KCNB2: variants seen among roughly 807,000 people sequenced by gnomAD.
The protein encoded by KCNB2 is delayed rectifier potassium channel protein.
A neutral mutation model predicts 61.5 loss-of-function variants in KCNB2; 15 were observed. The ratio of observed to expected loss-of-function variants is 0.24; its 90% CI spans 0.16 to 0.38. KCNB2 has a LOEUF of 0.38. KCNB2 is among the 10% of genes least tolerant of loss of function. The probability of loss-of-function intolerance (pLI) is 1.00; values close to 1 mark genes in which losing one functional copy is unlikely to be tolerated. For missense variants in KCNB2, 828 were observed against 1,125.2 expected (o/e 0.74, Z 3.78); for synonymous variants, 457 against 446.0 (o/e 1.02, Z -0.31).
chr8:72,666,724 G>A (rs1585817046), intron 2 of KCNB2, among the ~76,000 whole-genome samples: 1 of 150,556 alleles, frequency 6.6e-6, no homozygotes, highest in African/African-American at 2.4e-5. Flanking sequence ...GCAATCTCGG[G>A]TCACTGCAAC....
At chr8:72,711,881 A>G (rs1313407555) in intron 2 of KCNB2, among the ~76,000 whole-genome samples, 1 of 152,148 alleles carries the variant, frequency 6.6e-6, no homozygotes, top group Non-Finnish European at 1.5e-5. Flanking sequence ...AATCCCAGCT[A>G]CTCAGGAGGA....
intron 2 of KCNB2, among the ~76,000 whole-genome samples, chr8:72,733,097 G>A (rs1446747340): frequency 6.6e-6 from 1 of 152,060 alleles, no homozygotes; most frequent in Non-Finnish European, 1.5e-5. Flanking sequence ...AAGTAGAACA[G>A]AAGGAGGGAA....
At chr8:72,684,318 C>T (rs1042577344) in intron 2 of KCNB2, among the ~76,000 whole-genome samples, 4 of 152,174 alleles carry the variant, frequency 2.6e-5, no homozygotes, top group African/African-American at 9.7e-5. Context: ...ATCTGGGTGG[C>T]ACTAGCCAAG....
intron 2 of KCNB2, among the ~76,000 whole-genome samples, chr8:72,917,504 C>A (rs535264809): frequency 1.3e-5 from 2 of 152,128 alleles, no homozygotes; most frequent in African/African-American, 4.8e-5. Context: ...AGCCTGAGAC[C>A]TAGTCAGTAA....
intron 2 of KCNB2, among the ~76,000 whole-genome samples, chr8:72,928,396 A>G (rs1006474832): frequency 7.9e-5 from 12 of 151,878 alleles, no homozygotes; most frequent in Non-Finnish European, 1.6e-4. Context: ...AGATTTCACC[A>G]TGTTGGCCAG....
rs61391139 is a variant in KCNB2 at position 72,855,301 on chromosome 8, T to A, written c.580-80634T>A. ...TAGAGAGATCTTCAAGACTGCACTC[T>A]CTTCACCCCCATCTCACATTTTTTC... On this transcript the variant is annotated intron_variant, in intron 2 of 2. Transcript: ENST00000523207. Among the ~76,000 whole-genome samples the A allele has an allele frequency of 3.6e-3, 555 of 152,316 alleles. 3 individuals carry two copies. The highest frequency in any genetic ancestry group is 0.012 in the African/African-American group (516 of 41,570).
intron 2 of KCNB2, chr8:72,619,024 G>C (rs1046593540): frequency 3.2e-6 from 1 of 314,460 alleles, no homozygotes; most frequent in Non-Finnish European, 6.2e-6. Flanking sequence ...CTGTTCTGAA[G>C]ATGACCGTCG....
chr8:72,653,071 C>G (rs922433068), intron 2 of KCNB2, among the ~76,000 whole-genome samples: 1 of 152,138 alleles, frequency 6.6e-6, no homozygotes, highest in African/African-American at 2.4e-5. Flanking sequence ...CCCCTCCTCT[C>G]TGTGTCTGTA....
intron 2 of KCNB2, among the ~76,000 whole-genome samples, chr8:72,772,461 AG>A (rs1808576473): frequency 6.6e-6 from 1 of 152,192 alleles, no homozygotes; most frequent in Admixed American, 6.5e-5. Flanking sequence ...CACTGGGTTA[AG>A]GGGGTAGCTC....
At chr8:72,777,381 C>T (rs1808673545) in intron 2 of KCNB2, among the ~76,000 whole-genome samples, 1 of 152,160 alleles carries the variant, frequency 6.6e-6, no homozygotes, top group Admixed American at 6.5e-5. Flanking sequence ...TCTTGAAGCT[C>T]TTCCAATTTA....
intron 1 of KCNB2, among the ~76,000 whole-genome samples, chr8:72,551,860 C>T (rs1384860047): frequency 6.6e-6 from 1 of 152,148 alleles, no homozygotes; most frequent in Non-Finnish European, 1.5e-5. Context: ...ACTCCATGCA[C>T]ATAGCAGATG....
chr8:72,908,269 C>A (rs1161055911), intron 2 of KCNB2, among the ~76,000 whole-genome samples: 1 of 152,134 alleles, frequency 6.6e-6, no homozygotes, highest in East Asian at 1.9e-4. Flanking sequence ...ACAGAAGCAT[C>A]CCTGACCTTC....
At chr8:72,640,476 T>A (rs1806037007) in intron 2 of KCNB2, among the ~76,000 whole-genome samples, 1 of 152,100 alleles carries the variant, frequency 6.6e-6, no homozygotes, top group African/African-American at 2.4e-5. Flanking sequence ...CAGACTGAAA[T>A]CCTCTAGAAA....
rs188751455 is a variant in KCNB2, at chr8:72,590,764, G to A, written c.579+22451G>A. Among the ~76,000 whole-genome samples, 228 of 152,258 alleles carry A rather than the reference G, an allele frequency of 1.5e-3. 1 individual carries two copies. Among genetic ancestry groups the A allele is most frequent in the African/African-American group, 5.3e-3 (221 of 41,570 alleles). The stretch of plus-strand genomic sequence containing the variant: ...TTCTATTGAGTCTTAGAAATGGCAC[G>A]TTCCCTTTTCCTGTGTCACAAACAA... On this transcript the variant is annotated intron_variant, in intron 2 of 2. Transcript: ENST00000523207.
intron 2 of KCNB2, among the ~76,000 whole-genome samples, chr8:72,853,540 G>C (rs111270768): frequency 2.3e-3 from 356 of 152,272 alleles, no homozygotes; most frequent in African/African-American, 7.1e-3. Flanking sequence ...CCTGACCCAA[G>C]ATACTTTAAC....
At chr8:72,885,366 C>T (rs529847063) in intron 2 of KCNB2, among the ~76,000 whole-genome samples, 64 of 152,016 alleles carry the variant, frequency 4.2e-4, no homozygotes, top group Non-Finnish European at 6.2e-4. Context: ...ACACATTATG[C>T]AATAAAGAGA....
intron 2 of KCNB2, among the ~76,000 whole-genome samples, chr8:72,790,385 A>T (rs541467969): frequency 6.6e-6 from 1 of 152,214 alleles, no homozygotes; most frequent in South Asian, 2.1e-4. Context: ...AAGTCAAGAG[A>T]ATTCAACAGG....
intron 2 of KCNB2, among the ~76,000 whole-genome samples, chr8:72,575,303 T>A (rs1806778531): frequency 7.0e-6 from 1 of 142,734 alleles, no homozygotes; most frequent in African/African-American, 2.6e-5. Flanking sequence ...TTGATATATA[T>A]GGTATATATT....
chr8:72,642,028 G>C (rs975358488), intron 2 of KCNB2, among the ~76,000 whole-genome samples: 7 of 152,124 alleles, frequency 4.6e-5, no homozygotes, highest in Non-Finnish European at 7.4e-5. Flanking sequence ...CTCAGGATTT[G>C]AAGCTGAACC....
Sources: allele counts gnomAD v4.1 joint callset (sites outside exome capture counted in the v4.1 genomes callset), GRCh38; gene constraint gnomAD v4.1.1; transcripts MANE v1.5; gene names NCBI Gene and HGNC (gene_info 2026-07-23, HGNC 2026-07-21).